The following PIEZO1 variants were observed in gnomAD, a reference collection of about 807,000 sequenced individuals.
The protein encoded by PIEZO1 is piezo-type mechanosensitive ion channel component 1.
PIEZO1 carries 296 observed loss-of-function variants against 297.2 expected under a neutral mutation model. The ratio of observed to expected loss-of-function variants is 1.00; its 90% CI spans 0.91 to 1.10. The LOEUF is 1.10. Ranked by LOEUF, PIEZO1 falls within the 50% of genes least tolerant of loss-of-function variation. PIEZO1 has a pLI of 0.00. For missense variants in PIEZO1, 5,018 were observed against 3,455.5 expected (o/e 1.45, Z -11.34); for synonymous variants, 2,427 against 1,507.5 (o/e 1.61, Z -14.13).
Position 88,737,764 on chromosome 16 carries a change from C to T in PIEZO1, c.1071G>A (p.Glu357=). ...GYEARELELA[E]LDQWPQERES... ...CCCGTTCCTGGGGCCACTGGTCCAG[C>T]TCTGCTAGCTCCAGCTCCCGAGCCT... is the stretch of plus-strand genomic sequence containing the variant. The change falls in exon 9 of 51, where the codon GAG becomes GAA. Residue 357 remains glutamate, a synonymous_variant. Coordinates refer to ENST00000301015, the MANE Select transcript of PIEZO1 (RefSeq NM_001142864.4). 1.3e-6 allele frequency: 2 copies of T among 1,535,788 alleles called. No homozygotes were observed. Among genetic ancestry groups the T allele is most frequent in the Non-Finnish European group, 1.7e-6 (2 of 1,146,740 alleles).
intron 1 of PIEZO1, among the ~76,000 whole-genome samples, chr16:88,779,533 C>T (rs565037821): frequency 7.9e-5 from 12 of 152,274 alleles, no homozygotes; most frequent in Admixed American, 2.6e-4. Flanking sequence ...CCCACCTCCA[C>T]TGGCCCTGAA....
chr16:88,716,870 G>A lies in PIEZO1; in HGVS notation c.6689C>T (p.Pro2230Leu), dbSNP rs765812835. The change falls in exon 46 of 51, where the codon CCG becomes CTG. Residue 2230 changes from proline (P) to leucine (L), a missense_variant. Coordinates refer to ENST00000301015, the MANE Select transcript of PIEZO1 (RefSeq NM_001142864.4). Reference protein sequence around the residue: ...EPLFTMSAQQPSIIPFTAQAY... With the variant: ...EPLFTMSAQQLSIIPFTAQAY... Reference sequence around the variant, plus strand: ...CTGGGCCGTGAAGGGGATGATGGACGGCTGCTGGGCGCTCATGGTGAACAG... The same window carrying A: ...CTGGGCCGTGAAGGGGATGATGGACAGCTGCTGGGCGCTCATGGTGAACAG... 87 of 1,549,862 alleles carry A rather than the reference G, an allele frequency of 5.6e-5. No homozygotes were observed. The highest frequency in any genetic ancestry group is 1.2e-4 in the East Asian group (5 of 40,930).
chr16:88,727,320 G>A lies in PIEZO1; in HGVS notation c.3302-128C>T, dbSNP rs1041971458. The A allele has an allele frequency of 8.1e-6, 9 of 1,117,312 alleles. No individual in the cohort carries two copies. In the African/African-American group the frequency reaches 9.5e-5, roughly 12 times the overall value. 69.2% of individuals were successfully genotyped at this position (1,117,312 alleles called of 1,614,324 possible). A position where few individuals can be genotyped will look rare whatever the true frequency, so the allele number is the denominator to read the frequency against. On this transcript the variant is annotated intron_variant, in intron 23 of 50. Coordinates refer to ENST00000301015, the MANE Select transcript of PIEZO1 (RefSeq NM_001142864.4). Reference sequence around the variant, plus strand: ...GCTGGGAGCGGACACACGTCTGCCTGGGTGAGTGGCCGGGTGTCCCTGGGG... The same window carrying A: ...GCTGGGAGCGGACACACGTCTGCCTAGGTGAGTGGCCGGGTGTCCCTGGGG...
At position 88,741,530 on chromosome 16, in the gene PIEZO1, A is replaced by G. The variant is rs1318641292; in HGVS notation, c.413T>C (p.Ile138Thr). 13 of 1,535,736 alleles carry G rather than the reference A, an allele frequency of 8.5e-6. No homozygotes were observed. Among genetic ancestry groups the G allele is most frequent in the Non-Finnish European group, 7.8e-6 (9 of 1,146,790 alleles). Residue 138 changes from isoleucine (I) to threonine (T), a missense_variant, in exon 5 of 51, where the codon ATC becomes ACC. Coordinates refer to ENST00000301015, the MANE Select transcript of PIEZO1 (RefSeq NM_001142864.4). ...ILVVSSVCLG[I>T]CGRLARNTRQ... is the part of the protein sequence containing the mutation. ...GGTGTTCCTTGCAAGGCGCCCGCAGATGCCGAGGCAGACAGAGGAGACCAC... is the reference window on the plus strand; with the variant it reads ...GGTGTTCCTTGCAAGGCGCCCGCAGGTGCCGAGGCAGACAGAGGAGACCAC...
Position 88,722,406 on chromosome 16 carries a change from G to A in PIEZO1, c.4776-9C>T, listed in dbSNP as rs564937624. ...CCTCCGCGCCCAGCCCACTGGGGAG[G>A]GAAGCCGAGTCACAGAGAATCCTGC... On this transcript the variant is annotated splice_polypyrimidine_tract_variant and intron_variant, in intron 35 of 50. Transcript: ENST00000301015. The A allele has an allele frequency of 3.4e-6, 5 of 1,487,326 alleles. No individual in the cohort carries two copies. In the South Asian group the frequency reaches 4.0e-5, roughly 12 times the overall value. 92.1% of individuals were successfully genotyped at this position (1,487,326 alleles called of 1,614,324 possible). A position where few individuals can be genotyped will look rare whatever the true frequency, so the allele number is the denominator to read the frequency against.
Position 88,727,671 on chromosome 16 carries a change from G to A in PIEZO1, c.3197-10C>T, listed in dbSNP as rs1314727229. On this transcript the variant is annotated splice_polypyrimidine_tract_variant and intron_variant, in intron 22 of 50. Transcript: ENST00000301015. ...CAGCGCCAGGGATAATCTGGGGGAA[G>A]GGGTGTCATGTCAGGAAGGGCCGGG... 8 of 1,398,736 alleles carry A rather than the reference G, an allele frequency of 5.7e-6. No individual in the cohort carries two copies. The Admixed American group carries it at 7.7e-5, about 13-fold the overall frequency. The allele number at this position is 1,398,736 out of a possible 1,614,324, so 86.6% of individuals were successfully genotyped here.
chr16:88,748,738 G>T lies in PIEZO1; in HGVS notation c.160+646C>A, dbSNP rs149330902. On this transcript the variant is annotated intron_variant, in intron 2 of 50. Coordinates refer to ENST00000301015, the MANE Select transcript of PIEZO1 (RefSeq NM_001142864.4). ...AGCCCCTGCAACACGGATCAGAAAA[G>T]ATTCTGAGCTTAGCTTGGGGTCTAC... is the stretch of plus-strand genomic sequence containing the variant. Among the ~76,000 whole-genome samples the T allele has an allele frequency of 4.1e-3, 623 of 152,222 alleles. 5 individuals carry two copies. Among genetic ancestry groups the T allele is most frequent in the African/African-American group, 0.014 (583 of 41,536 alleles).
At chr16:88,727,891 C>A (rs774538076) in intron 22 of PIEZO1, 120 of 357,450 alleles carry the variant, frequency 3.4e-4, no homozygotes, top group Non-Finnish European at 5.3e-4. Context: ...GAGCAGGAGG[C>A]CAGAGAGCAC....
chr16:88,779,328 C>T (rs1212733083), intron 1 of PIEZO1, among the ~76,000 whole-genome samples: 2 of 152,140 alleles, frequency 1.3e-5, no homozygotes, highest in African/African-American at 2.4e-5. Context: ...TGTGAGCCAC[C>T]GCGCCCGGCA....
rs1912324252 is a variant in PIEZO1 at position 88,720,127 on chromosome 16, C to G, written c.6106G>C (p.Ala2036Pro). ...CATAGGTGGATGGCCAGCACCAGCGCCACCTGGAAGGCCAGCTTGCCCAGC... is the reference window on the plus strand; with the variant it reads ...CATAGGTGGATGGCCAGCACCAGCGGCACCTGGAAGGCCAGCTTGCCCAGC... ...TVLGKLAFQV[A>P]LVLAIHLWMF... The change falls in exon 42 of 51, where the codon GCG becomes CCG. Residue 2036 changes from alanine (A) to proline (P), a missense_variant. Coordinates refer to ENST00000301015, the MANE Select transcript of PIEZO1 (RefSeq NM_001142864.4). 1.3e-6 allele frequency: 2 copies of G among 1,550,440 alleles called. No individual in the cohort carries two copies. Among genetic ancestry groups the G allele is most frequent in the Non-Finnish European group, 8.7e-7 (1 of 1,146,984 alleles).
intron 2 of PIEZO1, among the ~76,000 whole-genome samples, 194 bp from the exon 3 acceptor site, chr16:88,742,616 A>T (rs1277127963): frequency 1.3e-5 from 2 of 152,188 alleles, no homozygotes; most frequent in Non-Finnish European, 2.9e-5. Flanking sequence ...CACTCTTGTC[A>T]CAAGGAGCCG....
At chr16:88,742,970 C>T (rs986577277) in intron 2 of PIEZO1, 8 of 436,822 alleles carry the variant, frequency 1.8e-5, no homozygotes, top group Non-Finnish European at 2.8e-5. Flanking sequence ...GATGCATGGC[C>T]TATGCATGGT....
At chr16:88,751,773 T>C (rs1261284153) in intron 1 of PIEZO1, among the ~76,000 whole-genome samples, 1 of 152,030 alleles carries the variant, frequency 6.6e-6, no homozygotes, top group Non-Finnish European at 1.5e-5. Context: ...ACAGCTGCAC[T>C]TTTCAGCCGG....
chr16:88,715,914 C>T lies in PIEZO1; in HGVS notation c.7316+19G>A, dbSNP rs1006156582. On this transcript the variant is annotated intron_variant, in intron 50 of 50. Coordinates refer to ENST00000301015, the MANE Select transcript of PIEZO1 (RefSeq NM_001142864.4). The stretch of plus-strand genomic sequence containing the variant: ...GGAGCCCCCCGAGCTGCGGGGTGCC[C>T]CCCCAGCCACTCACTCACCCGTAGC... 6.5e-7 allele frequency: 1 copy of T among 1,546,710 alleles called. No individual in the cohort carries two copies. Among genetic ancestry groups the T allele is most frequent in the Non-Finnish European group, 8.7e-7 (1 of 1,144,198 alleles).
chr16:88,738,777 A>C, intron 5 of PIEZO1, 41 bp from the exon 6 acceptor site: 1 of 1,486,808 alleles, frequency 6.7e-7, no homozygotes, highest in Middle Eastern at 1.7e-4. Context: ...GGTGTATCGC[A>C]CTGACGCCAC....
chr16:88,715,978 C>T lies in PIEZO1; in HGVS notation c.7271G>A (p.Ser2424Asn). The T allele has an allele frequency of 6.5e-7, 1 of 1,550,122 alleles. No homozygotes were observed. The highest frequency in any genetic ancestry group is 8.7e-7 in the Non-Finnish European group (1 of 1,146,866). The change falls in exon 50 of 51, where the codon AGT (serine) becomes AAT (asparagine). Residue 2424 changes from serine (S) to asparagine (N), a missense_variant. Ser to Asn is a conservative substitution (Grantham distance 46). Transcript: ENST00000301015. ...DCNLLPMVIF[S>N]DKVSPPSLGF... Reference sequence around the variant, plus strand: ...GAGGCTCGGTGGGCTGACCTTGTCACTGAAAATGACCATGGGCAGCAGGTT... The same window carrying T: ...GAGGCTCGGTGGGCTGACCTTGTCATTGAAAATGACCATGGGCAGCAGGTT...
chr16:88,732,981 A>G (rs1904968731), intron 19 of PIEZO1: 1 of 583,090 alleles, frequency 1.7e-6, no homozygotes, highest in East Asian at 2.9e-5. Flanking sequence ...AGAAGGTCCC[A>G]GGCAGAGATG....
At chr16:88,764,202 T>C (rs1192257966) in intron 1 of PIEZO1, among the ~76,000 whole-genome samples, 1 of 152,102 alleles carries the variant, frequency 6.6e-6, no homozygotes, top group Non-Finnish European at 1.5e-5. Flanking sequence ...CGAAAGGGGA[T>C]GTGCCTTGAG....
At chr16:88,725,960 C>T in intron 27 of PIEZO1, 1 of 567,344 alleles carries the variant, frequency 1.8e-6, no homozygotes. Context: ...AGCCAGAACC[C>T]CTCCCTGGGG....
Sources: allele counts gnomAD v4.1 joint callset (sites outside exome capture counted in the v4.1 genomes callset), GRCh38; gene constraint gnomAD v4.1.1; transcripts MANE v1.5; gene names NCBI Gene and HGNC (gene_info 2026-07-23, HGNC 2026-07-21).